The following CWC22 variants were observed in gnomAD, a reference collection of about 807,000 sequenced individuals.
The protein encoded by CWC22 is CWC22 spliceosome associated protein.
Under a neutral mutation model 117.2 loss-of-function variants are expected in CWC22, and 53 were observed. That is an observed-to-expected ratio of 0.45 (90% CI 0.36 to 0.57). CWC22 has a LOEUF of 0.57. Ranked by LOEUF, CWC22 falls within the 20% of genes least tolerant of loss-of-function variation. CWC22 has a pLI of 0.00. For synonymous variants in CWC22, 360 were observed against 355.6 expected (o/e 1.01, Z -0.14); for missense variants, 980 against 1,068.8 (o/e 0.92, Z 1.16).
At chr2:180,005,070 C>T (rs564118667) in intron 1 of CWC22, among the ~76,000 whole-genome samples, 1 of 151,208 alleles carries the variant, frequency 6.6e-6, no homozygotes, top group African/African-American at 2.4e-5. Flanking sequence ...TCCATTTCCA[C>T]GTTTCCGATT....
At chr2:179,994,084 T>C (rs999004504) in intron 1 of CWC22, among the ~76,000 whole-genome samples, 35 of 152,218 alleles carry the variant, frequency 2.3e-4, no homozygotes, top group African/African-American at 8.4e-4. Context: ...TCTTCAGATG[T>C]GTTTTAATAC....
intron 19 of CWC22, among the ~76,000 whole-genome samples, chr2:179,949,469 C>T (rs1686393725): frequency 6.6e-6 from 1 of 152,112 alleles, no homozygotes; most frequent in South Asian, 2.1e-4. Context: ...CTAAAACCGC[C>T]ATGCAGTACC....
At chr2:179,969,776 A>C (rs1559290180) in intron 11 of CWC22, among the ~76,000 whole-genome samples, 1 of 152,210 alleles carries the variant, frequency 6.6e-6, no homozygotes, top group Non-Finnish European at 1.5e-5. Context: ...ATAAGCCCAT[A>C]AAATTATTAT....
Position 179,945,424 on chromosome 2 carries a change from T to C in CWC22, c.2432A>G (p.Asp811Gly), listed in dbSNP as rs367986956. 1.2e-6 allele frequency: 2 copies of C among 1,612,952 alleles called. No individual in the cohort carries two copies. The highest frequency in any genetic ancestry group is 1.7e-5 in the Admixed American group (1 of 59,974). ...ANDRDQEMHI[D>G]LENKHGDPKK... Reference sequence around the variant, plus strand: ...GGGATCACCATGCTTATTTTCCAAATCTATATGCATTTCTTGGTCTCTGTC... The same window carrying C: ...GGGATCACCATGCTTATTTTCCAAACCTATATGCATTTCTTGGTCTCTGTC... Residue 811 changes from aspartate (D) to glycine (G), a missense_variant, in exon 20 of 20, where the codon GAT becomes GGT. Physicochemically the swap from Asp to Gly is moderately conservative, Grantham distance 94 (BLOSUM62 -1). This residue lies in a region of CWC22 where 306 missense variants were observed against 296.8 expected (regional missense o/e 1.03). Transcript: ENST00000410053.
chr2:179,954,456 C>CT (rs1686532448), intron 15 of CWC22, 99 bp from the exon 16 acceptor site: 1 of 716,764 alleles, frequency 1.4e-6, no homozygotes, highest in Non-Finnish European at 2.2e-6. Flanking sequence ...TATTAATATG[C>CT]TTTATATTTT....
chr2:179,968,841 C>G (rs1173569029), intron 11 of CWC22, among the ~76,000 whole-genome samples: 1 of 152,156 alleles, frequency 6.6e-6, no homozygotes, highest in Non-Finnish European at 1.5e-5. Context: ...GCTGGAATTA[C>G]AGGCATGAGC....
intron 19 of CWC22, among the ~76,000 whole-genome samples, chr2:179,947,341 G>A (rs955650135): frequency 1.8e-4 from 27 of 152,066 alleles, no homozygotes; most frequent in Non-Finnish European, 3.7e-4. Context: ...CTAAACCAGC[G>A]TCCCCTTGAT....
At position 180,007,236 on chromosome 2, in the gene CWC22, G is replaced by A; in HGVS notation, c.-483C>T. 6.6e-6 allele frequency: 1 copy of A among 152,226 alleles called. No homozygotes were observed. The allele number at this position is 152,226 out of a possible 1,614,324, so 9.4% of individuals were successfully genotyped here. A position where few individuals can be genotyped will look rare whatever the true frequency, so the allele number is the denominator to read the frequency against. Reference sequence around the variant, plus strand: ...TCAAATACCATATCATAATACCAGAGTCAAAGTAGTCGATCCAGGCACACT... The same window carrying A: ...TCAAATACCATATCATAATACCAGAATCAAAGTAGTCGATCCAGGCACACT... On this transcript the variant is annotated 5_prime_UTR_variant, in exon 1 of 20. Transcript: ENST00000410053.
chr2:179,988,856 GT>G (rs1162614598), intron 2 of CWC22, among the ~76,000 whole-genome samples: 24 of 151,642 alleles, frequency 1.6e-4, no homozygotes, highest in African/African-American at 5.6e-4. Context: ...GCAGGCACCT[GT>G]TTTCATTATG....
In CWC22 at chr2:179,993,578, A is replaced by C. The variant is rs1687625669; in HGVS notation, c.-113-124T>G. On this transcript the variant is annotated intron_variant, in intron 1 of 19. Transcript: ENST00000410053. ...TCTTAATCCATAAACAAATATAATAAAAATTGTAAAAATCCTTAAGTAGTT... is the reference window on the plus strand; with the variant it reads ...TCTTAATCCATAAACAAATATAATACAAATTGTAAAAATCCTTAAGTAGTT... 7 of 466,888 alleles carry C rather than the reference A, an allele frequency of 1.5e-5. No individual in the cohort carries two copies. In the South Asian group the frequency reaches 2.4e-4, roughly 16 times the overall value. The allele number at this position is 466,888 out of a possible 1,614,324, so 28.9% of individuals were successfully genotyped here.
At chr2:179,978,932 G>T (rs1446044071) in intron 5 of CWC22, among the ~76,000 whole-genome samples, 1 of 152,154 alleles carries the variant, frequency 6.6e-6, no homozygotes, top group East Asian at 1.9e-4. Flanking sequence ...TATACCAGTT[G>T]AATGTTAGAT....
At position 179,974,848 on chromosome 2, in the gene CWC22, C is replaced by T. The variant is rs1022500808; in HGVS notation, c.582-1046G>A. ...CTCACTGGAAGCTCTGCCTCCTGGG[C>T]TCAAGCAATCCTCCCACCTCAGCCT... is the stretch of plus-strand genomic sequence containing the variant. On this transcript the variant is annotated intron_variant, in intron 6 of 19. Coordinates refer to ENST00000410053, the MANE Select transcript of CWC22 (RefSeq NM_020943.3). Among the ~76,000 whole-genome samples the T allele has an allele frequency of 9.2e-5, 14 of 152,238 alleles. No individual in the cohort carries two copies. The East Asian group carries it at 2.1e-3, about 23-fold the overall frequency.
chr2:179,977,028 T>C (rs961499027), intron 6 of CWC22, among the ~76,000 whole-genome samples: 6 of 151,934 alleles, frequency 3.9e-5, no homozygotes, highest in Non-Finnish European at 7.4e-5. Context: ...TGGTGGTGAG[T>C]GCTTGCGGTC....
At chr2:179,954,889 C>A in intron 15 of CWC22, 68 bp downstream of exon 15, 1 of 955,022 alleles carries the variant, frequency 1.0e-6, no homozygotes, top group East Asian at 2.6e-5. Context: ...GAGACCAGAC[C>A]ATAAAGCAGA....
chr2:179,995,052 A>G (rs1424661439), intron 1 of CWC22, among the ~76,000 whole-genome samples: 1 of 152,166 alleles, frequency 6.6e-6, no homozygotes, highest in Non-Finnish European at 1.5e-5. Context: ...TGGGAGGCGG[A>G]GCTTGCAGTG....
chr2:179,950,517 G>A lies in CWC22; in HGVS notation c.2135C>T (p.Ala712Val). 6.2e-7 allele frequency: 1 copy of A among 1,600,038 alleles called. No individual in the cohort carries two copies. Among genetic ancestry groups the A allele is most frequent in the South Asian group, 1.1e-5 (1 of 90,368 alleles). Residue 712 changes from alanine to valine, a missense_variant, in exon 19 of 20, where the codon GCC becomes GTC. Ala to Val is a moderately conservative substitution (Grantham distance 64). This residue lies in a region of CWC22 where 306 missense variants were observed against 296.8 expected (regional missense o/e 1.03). Coordinates refer to ENST00000410053, the MANE Select transcript of CWC22 (RefSeq NM_020943.3). Reference protein sequence around the residue: ...DSSSISSHSSASANDVRKKGH... With the variant: ...DSSSISSHSSVSANDVRKKGH... ...TTACACATAAGCTTCAATACCTGAG[G>A]CAGAGCTATGACTACTGATGGATGA...
At chr2:179,977,439 C>T (rs939839249) in intron 6 of CWC22, among the ~76,000 whole-genome samples, 8 of 152,134 alleles carry the variant, frequency 5.3e-5, no homozygotes, top group African/African-American at 1.9e-4. Context: ...ACTTGGAGAA[C>T]ATTATGCTAA....
chr2:179,996,847 C>T (rs967060036), intron 1 of CWC22, among the ~76,000 whole-genome samples: 7 of 145,028 alleles, frequency 4.8e-5, no homozygotes, highest in Non-Finnish European at 9.0e-5. Flanking sequence ...AAAAAGTTAA[C>T]GTAGAATTCC....
At chr2:179,950,961 T>A (rs202111453) in intron 17 of CWC22, 35 bp from the exon 18 acceptor site, 8 of 1,273,424 alleles carry the variant, frequency 6.3e-6, no homozygotes, top group Non-Finnish European at 8.8e-6. Flanking sequence ...AGAGAACACA[T>A]TGCTTAAAGA....
Sources: gnomAD v4.1 joint callset for allele counts (sites outside exome capture counted in the v4.1 genomes callset) on GRCh38, gnomAD v4.1.1 for gene constraint, gnomAD v4.1.1 regional missense constraint, MANE v1.5 for transcripts, NCBI Gene and HGNC (gene_info 2026-07-23, HGNC 2026-07-21) for gene names.